Variants in DBR1 observed in about 807,000 individuals in gnomAD.
DBR1 encodes the protein lariat debranching enzyme.
Under a neutral mutation model 45.9 loss-of-function variants are expected in DBR1, and 33 were observed. That is an observed-to-expected ratio of 0.72 (90% CI 0.55 to 0.96). DBR1 has a LOEUF of 0.96. DBR1 is among the 40% of genes least tolerant of loss of function. DBR1 has a pLI of 0.00. For missense variants in DBR1, 619 were observed against 667.4 expected, an observed-to-expected ratio of 0.93 and a Z score of 0.80; for synonymous variants, 235 against 235.9, an observed-to-expected ratio of 1.00 and a Z score of 0.04.
intron 5 of DBR1, chr3:138,164,201 A>G (rs1392474428): frequency 6.2e-6 from 1 of 160,272 alleles, no homozygotes; most frequent in Non-Finnish European, 1.4e-5. Flanking sequence ...GGCAGAACTT[A>G]AACTATACAA....
Position 138,170,171 on chromosome 3 carries a change from TA to T in DBR1, c.424del (p.Tyr142IlefsTer12). 6.3e-7 allele frequency: 1 copy of T among 1,595,462 alleles called. No homozygotes were observed. On this transcript the variant is annotated frameshift_variant, in exon 4 of 8. Coordinates refer to ENST00000260803, the MANE Select transcript of DBR1 (RefSeq NM_016216.4). LOFTEE classifies it high-confidence loss of function. Reference sequence around the variant, plus strand: ...TATACTCCTGATTGTAGATGAATTATAAGGGGGGCACTCAAAATGACCTTAG... The same window carrying T: ...TATACTCCTGATTGTAGATGAATTATAGGGGGGCACTCAAAATGACCTTAG... Reference protein sequence around the residue: ...YRKGHFECPPYNSSTIRSIYH... With the variant: ...YRKGHFECPPXNSSTIRSIYH...
chr3:138,165,159 G>A (rs1411230375), intron 5 of DBR1, among the ~76,000 whole-genome samples: 1 of 152,044 alleles, frequency 6.6e-6, no homozygotes, highest in African/African-American at 2.4e-5. Flanking sequence ...TCATCATGGA[G>A]GAAAAAACAC....
chr3:138,174,825 T>A lies in DBR1; in HGVS notation c.-30A>T. ...CCGGCCTGAGGAGGTGAGCGCTGCC[T>A]GCAACGCCCTACACCACAGCCAGCC... On this transcript the variant is annotated 5_prime_UTR_variant, in exon 1 of 8. Coordinates refer to ENST00000260803, the MANE Select transcript of DBR1 (RefSeq NM_016216.4). The A allele has an allele frequency of 9.4e-6, 15 of 1,596,374 alleles. No homozygotes were observed. Among genetic ancestry groups the A allele is most frequent in the Non-Finnish European group, 1.3e-5 (15 of 1,172,212 alleles).
intron 3 of DBR1, among the ~76,000 whole-genome samples, chr3:138,171,024 T>C (rs1025314184): frequency 3.9e-5 from 6 of 152,056 alleles, no homozygotes; most frequent in African/African-American, 1.2e-4. Context: ...TGATGTAAAA[T>C]AATCAAGTAA....
At chr3:138,170,084 G>T in intron 4 of DBR1, 23 bp downstream of exon 4, 1 of 1,402,552 alleles carries the variant, frequency 7.1e-7, no homozygotes, top group Non-Finnish European at 1.0e-6. Context: ...TTTCAAGTCT[G>T]CTGTAATGCG....
chr3:138,163,728 A>C, intron 6 of DBR1, 50 bp downstream of exon 6: 1 of 1,275,354 alleles, frequency 7.8e-7, no homozygotes, highest in Non-Finnish European at 1.1e-6. Context: ...TATTTTTTTA[A>C]GTCTCTGGAA....
rs1192996668 is a variant in DBR1 at position 138,161,233 on chromosome 3, C to T, written c.*656G>A. On this transcript the variant is annotated 3_prime_UTR_variant, in exon 8 of 8. Coordinates refer to ENST00000260803, the MANE Select transcript of DBR1 (RefSeq NM_016216.4). Reference sequence around the variant, plus strand: ...TACAGTGATAACAAGTCCTTGGAGGCAAAAATCCTTGTCTTACTCATCTTT... The same window carrying T: ...TACAGTGATAACAAGTCCTTGGAGGTAAAAATCCTTGTCTTACTCATCTTT... 6.6e-6 allele frequency: 1 copy of T among 152,036 alleles called. No individual in the cohort carries two copies. The highest frequency in any genetic ancestry group is 2.1e-4 in the South Asian group (1 of 4,832). 9.4% of individuals were successfully genotyped at this position (152,036 alleles called of 1,614,324 possible). A position where few individuals can be genotyped will look rare whatever the true frequency, so the allele number is the denominator to read the frequency against.
At chr3:138,173,181 G>C (rs1459280723) in intron 2 of DBR1, among the ~76,000 whole-genome samples, 2 of 149,800 alleles carry the variant, frequency 1.3e-5, no homozygotes, top group African/African-American at 4.9e-5. Flanking sequence ...CTCTACTTTT[G>C]TGTATGCTTA....
intron 5 of DBR1, among the ~76,000 whole-genome samples, chr3:138,165,872 G>A (rs1244832759): frequency 6.6e-6 from 1 of 152,226 alleles, no homozygotes; most frequent in South Asian, 2.1e-4. Flanking sequence ...CAATTACAAA[G>A]AGGTCAAACA....
At chr3:138,165,683 C>G (rs1010367992) in intron 5 of DBR1, among the ~76,000 whole-genome samples, 1 of 151,140 alleles carries the variant, frequency 6.6e-6, no homozygotes, top group Non-Finnish European at 1.5e-5. Context: ...GAGTGGAGAT[C>G]GCGCCACTGC....
Position 138,162,435 on chromosome 3 carries a change from G to A in DBR1, c.1089C>T (p.Ile363=). Residue 363 remains isoleucine (I), a synonymous_variant, in exon 8 of 8, where the codon ATC becomes ATT. Transcript: ENST00000260803. ...PQTQMQLIHR[I]NPQTTEFCAQ... Reference sequence around the variant, plus strand: ...CACAAAATTCAGTTGTCTGAGGATTGATCCTATGAATCAGCTGCATTTGTG... The same window carrying A: ...CACAAAATTCAGTTGTCTGAGGATTAATCCTATGAATCAGCTGCATTTGTG... The A allele has an allele frequency of 6.2e-7, 1 of 1,614,132 alleles. No homozygotes were observed. Among genetic ancestry groups the A allele is most frequent in the Non-Finnish European group, 8.5e-7 (1 of 1,180,032 alleles).
rs1264877096 is a variant in DBR1 at position 138,169,622 on chromosome 3, C to T, written c.489+485G>A. Reference sequence around the variant, plus strand: ...AATCTTTCATTCTTACTAAAATAAACTCGTAATTATTGAAGTAAAAAAAAT... The same window carrying T: ...AATCTTTCATTCTTACTAAAATAAATTCGTAATTATTGAAGTAAAAAAAAT... On this transcript the variant is annotated intron_variant, in intron 4 of 7. Coordinates refer to ENST00000260803, the MANE Select transcript of DBR1 (RefSeq NM_016216.4). 3.9e-5 allele frequency among the ~76,000 whole-genome samples: 6 copies of T among 152,064 alleles called. No homozygotes were observed. The East Asian group carries it at 1.2e-3, about 29-fold the overall frequency.
At chr3:138,170,224 T>G in intron 3 of DBR1, 32 bp from the exon 4 acceptor site, 1 of 1,350,208 alleles carries the variant, frequency 7.4e-7, no homozygotes, top group South Asian at 1.2e-5. Flanking sequence ...AAGCTATATT[T>G]AATTTCCTTA....
chr3:138,171,532 G>T, intron 3 of DBR1, 101 bp downstream of exon 3: 1 of 443,578 alleles, frequency 2.3e-6, no homozygotes, highest in Non-Finnish European at 4.1e-6. Context: ...AAACTATATC[G>T]AGGATACAAA....
In DBR1 at chr3:138,161,813, T is replaced by C. The variant is rs535521370; in HGVS notation, c.*76A>G. Reference sequence around the variant, plus strand: ...GTGAGCCGAGATCACGCCATTGCACTCCAGTCTAGGTGACAAGAGTGAAAC... The same window carrying C: ...GTGAGCCGAGATCACGCCATTGCACCCCAGTCTAGGTGACAAGAGTGAAAC... On this transcript the variant is annotated 3_prime_UTR_variant, in exon 8 of 8. Coordinates refer to ENST00000260803, the MANE Select transcript of DBR1 (RefSeq NM_016216.4). 2 of 1,192,612 alleles carry C rather than the reference T, an allele frequency of 1.7e-6. No homozygotes were observed. Among genetic ancestry groups the C allele is most frequent in the South Asian group, 1.3e-5 (1 of 74,198 alleles). The allele number at this position is 1,192,612 out of a possible 1,614,324, so 73.9% of individuals were successfully genotyped here.
At chr3:138,171,795 A>ATGG in intron 2 of DBR1, 82 bp from the exon 3 acceptor site, 5 of 997,772 alleles carry the variant, frequency 5.0e-6, no homozygotes, top group Non-Finnish European at 7.9e-6. Flanking sequence ...TTTAGATGGA[A>ATGG]TTCCACACAG....
chr3:138,162,021 A>G lies in DBR1; in HGVS notation c.1503T>C (p.Asn501=), dbSNP rs1416314795. The change falls in exon 8 of 8, where the codon AAT becomes AAC. Residue 501 remains asparagine (N), a synonymous_variant. Transcript: ENST00000260803. ...GKPGGTVESG[N]GEDLTKVPLK... ...ATGGCACCTTGGTTAAGTCCTCTCC[A>G]TTCCCTGACTCCACAGTCCCACCAG... 1.2e-6 allele frequency: 2 copies of G among 1,614,092 alleles called. No individual in the cohort carries two copies. The highest frequency in any genetic ancestry group is 2.2e-5 in the South Asian group (2 of 91,076).
chr3:138,172,089 A>G (rs2042957997), intron 2 of DBR1, among the ~76,000 whole-genome samples: 1 of 152,218 alleles, frequency 6.6e-6, no homozygotes, highest in African/African-American at 2.4e-5. Context: ...CAACAGGTAT[A>G]AGGTATAAAG....
At chr3:138,172,410 T>C (rs1032376105) in intron 2 of DBR1, among the ~76,000 whole-genome samples, 6 of 151,910 alleles carry the variant, frequency 3.9e-5, no homozygotes, top group African/African-American at 1.5e-4. Context: ...ATGGCCAAAC[T>C]CAGTCTCCAC....
Sources: allele counts gnomAD v4.1 joint callset (sites outside exome capture counted in the v4.1 genomes callset), GRCh38; gene constraint gnomAD v4.1.1; transcripts MANE v1.5; gene names NCBI Gene and HGNC (gene_info 2026-07-23, HGNC 2026-07-21).